Variants in GALNT18 observed in about 807,000 individuals in gnomAD.
The protein encoded by GALNT18 is GalNAc-transferase 18.
GALNT18 carries 44 observed loss-of-function variants against 69.5 expected under a neutral mutation model. The ratio of observed to expected loss-of-function variants is 0.63; its 90% CI spans 0.50 to 0.81. The LOEUF (loss-of-function observed/expected upper bound fraction) is 0.81. Ranked by LOEUF, GALNT18 falls within the 40% of genes least tolerant of loss-of-function variation. The pLI is 0.00. For missense variants in GALNT18, 715 were observed against 810.0 expected (o/e 0.88, Z 1.42); for synonymous variants, 364 against 318.2 (o/e 1.14, Z -1.53).
chr11:11,523,644 G>A lies in GALNT18; in HGVS notation c.236-74708C>T, dbSNP rs552640434. Among the ~76,000 whole-genome samples, 9 of 151,750 alleles carry A rather than the reference G, an allele frequency of 5.9e-5. No individual in the cohort carries two copies. Among genetic ancestry groups the A allele is most frequent in the South Asian group, 4.2e-4 (2 of 4,780 alleles). On this transcript the variant is annotated intron_variant, in intron 1 of 10. Transcript: ENST00000227756. This position sits in a 1 kb window ranked among gnomAD's most constrained non-coding sequence, Gnocchi z 4.3. Reference sequence around the variant, plus strand: ...TGAGGCAGGAGAATGGTGAGAACCCGGGAGGAAGAGGTTGCAGTGAGCCGA... The same window carrying A: ...TGAGGCAGGAGAATGGTGAGAACCCAGGAGGAAGAGGTTGCAGTGAGCCGA...
Position 11,618,486 on chromosome 11 carries a change from G to A in GALNT18, c.235+2873C>T, listed in dbSNP as rs1321363435. On this transcript the variant is annotated intron_variant, in intron 1 of 10. Transcript: ENST00000227756. The surrounding 1 kb of genome is among the most constrained non-coding windows in gnomAD (Gnocchi z 6.1). Reference sequence around the variant, plus strand: ...GTTTATCTATGGAGTTTCCAAGTGGGAAGGCTGCTGACTCCCTCACCCCTC... The same window carrying A: ...GTTTATCTATGGAGTTTCCAAGTGGAAAGGCTGCTGACTCCCTCACCCCTC... 1.3e-5 allele frequency among the ~76,000 whole-genome samples: 2 copies of A among 152,204 alleles called. No homozygotes were observed. The highest frequency in any genetic ancestry group is 2.9e-5 in the Non-Finnish European group (2 of 68,026).
chr11:11,373,488 G>A (rs750966168), intron 5 of GALNT18, among the ~76,000 whole-genome samples: 3 of 152,194 alleles, frequency 2.0e-5, no homozygotes, highest in Non-Finnish European at 2.9e-5. Flanking sequence ...AGAAGAAGCT[G>A]GTTTCAAAAG....
intron 1 of GALNT18, among the ~76,000 whole-genome samples, chr11:11,589,434 A>C (rs1231646094): frequency 1.3e-5 from 2 of 152,106 alleles, no homozygotes; most frequent in Non-Finnish European, 2.9e-5. Context: ...GCATCTTCAC[A>C]TTTTGCCGTA....
chr11:11,276,369 C>T lies in GALNT18; in HGVS notation c.1678-5079G>A, dbSNP rs181898673. 5.8e-3 allele frequency among the ~76,000 whole-genome samples: 885 copies of T among 152,266 alleles called. 4 individuals are homozygous for T. The highest frequency in any genetic ancestry group is 0.041 in the Middle Eastern group (12 of 294). On this transcript the variant is annotated intron_variant, in intron 10 of 10. Coordinates refer to ENST00000227756, the MANE Select transcript of GALNT18 (RefSeq NM_198516.3). ...TATAGGAATGCTTGTGATTTTTGCA[C>T]ATTGATTTTGTATCCTGAGACTTTG...
In GALNT18 at chr11:11,340,849, G is replaced by C; in HGVS notation, c.1248C>G (p.His416Gln). The C allele has an allele frequency of 6.2e-7, 1 of 1,613,726 alleles. No homozygotes were observed. The highest frequency in any genetic ancestry group is 8.5e-7 in the Non-Finnish European group (1 of 1,179,812). The part of the protein sequence containing the change: ...AEVWMDEFKS[H>Q]VYMAWNIPQE... ...GCGGTATGTTCCATGCCATGTAGAC[G>C]TGGCTTTTAAATTCATCCATCCAGA... is the stretch of plus-strand genomic sequence containing the variant. The change falls in exon 7 of 11, where the codon CAC (histidine) becomes CAG (glutamine). Residue 416 changes from histidine to glutamine, a missense_variant. Physicochemically the swap from His to Gln is conservative, Grantham distance 24. Coordinates refer to ENST00000227756, the MANE Select transcript of GALNT18 (RefSeq NM_198516.3). This position sits in a 1 kb window ranked among gnomAD's most constrained non-coding sequence, Gnocchi z 4.2.
rs557218931 is a variant in GALNT18 at position 11,278,463 on chromosome 11, T to C, written c.1678-7173A>G. Among the ~76,000 whole-genome samples, 572 of 152,000 alleles carry C rather than the reference T, an allele frequency of 3.8e-3. 3 individuals are homozygous for C. The highest frequency in any genetic ancestry group is 7.3e-3 in the Non-Finnish European group (493 of 67,996). ...AACCACCATGGCACGTGTATACCTC[T>C]GTAAAAAACCTGCACATTCTGCACA... is the stretch of plus-strand genomic sequence containing the variant. On this transcript the variant is annotated intron_variant, in intron 10 of 10. Transcript: ENST00000227756.
At chr11:11,615,979 G>A (rs1346693499) in intron 1 of GALNT18, among the ~76,000 whole-genome samples, 1 of 152,134 alleles carries the variant, frequency 6.6e-6, no homozygotes, top group Non-Finnish European at 1.5e-5. Flanking sequence ...CAAACACTGA[G>A]TCTTTTTTTC....
At position 11,359,394 on chromosome 11, in the gene GALNT18, T is replaced by A. The variant is rs1014229534; in HGVS notation, c.1092+13121A>T. Among the ~76,000 whole-genome samples, 12 of 144,354 alleles carry A rather than the reference T, an allele frequency of 8.3e-5. 1 individual carries two copies. The highest frequency in any genetic ancestry group is 2.3e-4 in the African/African-American group (9 of 39,176). The allele number at this position is 144,354 out of a possible 152,430, so 94.7% of individuals were successfully genotyped here. On this transcript the variant is annotated intron_variant, in intron 6 of 10. Transcript: ENST00000227756. ...AACCGTGGATACATATTTTTTAAAGTCTCAAATAGCAGTGATGCCTGTTCT... is the reference window on the plus strand; with the variant it reads ...AACCGTGGATACATATTTTTTAAAGACTCAAATAGCAGTGATGCCTGTTCT...
chr11:11,351,651 G>A (rs1466254361), intron 6 of GALNT18, among the ~76,000 whole-genome samples: 1 of 152,108 alleles, frequency 6.6e-6, no homozygotes. Context: ...GCTATCTACT[G>A]TAATCACTTC....
intron 10 of GALNT18, among the ~76,000 whole-genome samples, chr11:11,279,516 C>T (rs757074646): frequency 1.3e-5 from 2 of 152,220 alleles, no homozygotes; most frequent in African/African-American, 4.8e-5. Flanking sequence ...ACTCAAACGT[C>T]CATCAATAGT....
At position 11,604,713 on chromosome 11, in the gene GALNT18, A is replaced by C. The variant is rs1859706731; in HGVS notation, c.235+16646T>G. On this transcript the variant is annotated intron_variant, in intron 1 of 10. Transcript: ENST00000227756. This position sits in a 1 kb window ranked among gnomAD's most constrained non-coding sequence, Gnocchi z 5.6. The stretch of plus-strand genomic sequence containing the variant: ...ACCCAAAAGGCAAAGAGAAAGGGAT[A>C]AGGAATTTGGGAAGCTTTTCTGCCC... Among the ~76,000 whole-genome samples, 1 of 152,210 alleles carries C rather than the reference A, an allele frequency of 6.6e-6. No homozygotes were observed. Among genetic ancestry groups the C allele is most frequent in the African/African-American group, 2.4e-5 (1 of 41,470 alleles).
At chr11:11,366,104 T>C (rs1035565236) in intron 6 of GALNT18, among the ~76,000 whole-genome samples, 10 of 152,222 alleles carry the variant, frequency 6.6e-5, no homozygotes, top group African/African-American at 2.4e-4. Context: ...ATTATGACCA[T>C]GTGGCTCTGG....
chr11:11,597,673 T>G (rs1859533822), intron 1 of GALNT18, among the ~76,000 whole-genome samples: 1 of 151,608 alleles, frequency 6.6e-6, no homozygotes, highest in Non-Finnish European at 1.5e-5. Flanking sequence ...CTTTTTTTTT[T>G]TTTTTGAGAC....
intron 1 of GALNT18, among the ~76,000 whole-genome samples, chr11:11,612,414 G>T (rs1171083721): frequency 6.6e-6 from 1 of 152,170 alleles, no homozygotes; most frequent in Non-Finnish European, 1.5e-5. Context: ...GTTTAGCTAG[G>T]ATTCTCATTT....
rs78220423 is a variant in GALNT18, at chr11:11,537,202, C to T, written c.235+84157G>A. On this transcript the variant is annotated intron_variant, in intron 1 of 10. Transcript: ENST00000227756. ...GGCACTGAGAGGTCATCCAGCTTGC[C>T]TAAAGTCACACAGTTAATCGGGGTG... Among the ~76,000 whole-genome samples, 1,021 of 132,204 alleles carry T rather than the reference C, an allele frequency of 7.7e-3. 69 individuals carry two copies. The East Asian group carries it at 0.18, about 23-fold the overall frequency. 86.7% of individuals were successfully genotyped at this position (132,204 alleles called of 152,430 possible).
At chr11:11,528,795 T>C (rs1040826610) in intron 1 of GALNT18, among the ~76,000 whole-genome samples, 1 of 152,178 alleles carries the variant, frequency 6.6e-6, no homozygotes, top group South Asian at 2.1e-4. Context: ...CTGGCAGGAC[T>C]CAATTCAAAA....
intron 10 of GALNT18, among the ~76,000 whole-genome samples, chr11:11,284,792 G>A (rs1849156989): frequency 6.6e-6 from 1 of 150,734 alleles, no homozygotes; most frequent in Non-Finnish European, 1.5e-5. Flanking sequence ...CAAAGCATGT[G>A]TGGGACATTA....
intron 9 of GALNT18, among the ~76,000 whole-genome samples, chr11:11,311,319 C>T (rs138126734): frequency 1.8e-4 from 28 of 152,262 alleles, no homozygotes; most frequent in Non-Finnish European, 2.8e-4. Context: ...GAAGTGCCTT[C>T]GGGGAGGGCA....
intron 6 of GALNT18, among the ~76,000 whole-genome samples, chr11:11,368,458 T>C (rs11021820): frequency 0.014 from 2,145 of 152,324 alleles, 51 homozygotes; most frequent in African/African-American, 0.048. Flanking sequence ...AGAAAGAGGA[T>C]CATCTCCATT....
Sources: gnomAD v4.1 joint callset for allele counts (sites outside exome capture counted in the v4.1 genomes callset) on GRCh38, gnomAD v4.1.1 for gene constraint, Gnocchi (gnomAD v3.1) non-coding constraint, MANE v1.5 for transcripts, NCBI Gene and HGNC (gene_info 2026-07-23, HGNC 2026-07-21) for gene names.